The following ATRNL1 variants were observed in gnomAD, a reference collection of about 807,000 sequenced individuals.
ATRNL1 encodes the protein attractin like 1.
A neutral mutation model predicts 182.7 loss-of-function variants in ATRNL1; 95 were observed. That is an observed-to-expected ratio of 0.52 (90% CI 0.44 to 0.62). The LOEUF (loss-of-function observed/expected upper bound fraction) is 0.62, where lower values mean the gene tolerates loss of function less well. Ranked by LOEUF, ATRNL1 falls within the 20% of genes least tolerant of loss-of-function variation. ATRNL1 has a pLI of 0.00. For missense variants in ATRNL1, 1,471 were observed against 1,679.5 expected (o/e 0.88, Z 2.17); for synonymous variants, 576 against 568.3 (o/e 1.01, Z -0.19).
At chr10:115,286,719 A>T (rs1592382321) in intron 15 of ATRNL1, among the ~76,000 whole-genome samples, 1 of 152,076 alleles carries the variant, frequency 6.6e-6, no homozygotes, top group South Asian at 2.1e-4. Flanking sequence ...TTTTTGCTGA[A>T]AACTTTTCAG....
At chr10:115,114,057 A>G (rs1456374377) in intron 1 of ATRNL1, among the ~76,000 whole-genome samples, 1 of 152,172 alleles carries the variant, frequency 6.6e-6, no homozygotes, top group Non-Finnish European at 1.5e-5. Flanking sequence ...AAAACAGACA[A>G]ATTGACCCAT....
At chr10:115,405,228 G>A (rs1460116845) in intron 20 of ATRNL1, among the ~76,000 whole-genome samples, 2 of 152,132 alleles carry the variant, frequency 1.3e-5, no homozygotes, top group Non-Finnish European at 2.9e-5. Context: ...ACTTAACATT[G>A]TATGAAGAAA....
At chr10:115,347,207 G>A (rs1011660007) in intron 19 of ATRNL1, among the ~76,000 whole-genome samples, 17 of 152,104 alleles carry the variant, frequency 1.1e-4, no homozygotes, top group African/African-American at 4.1e-4. Flanking sequence ...TAAATAGAGT[G>A]AATAATAGAT....
At chr10:115,332,824 G>GTT (rs71303571) in intron 18 of ATRNL1, among the ~76,000 whole-genome samples, 17 of 148,062 alleles carry the variant, frequency 1.1e-4, no homozygotes, top group South Asian at 2.1e-4. Context: ...TTTAATATCT[G>GTT]TTTTTTTTTT....
At chr10:115,348,690 G>A (rs1389645) in intron 19 of ATRNL1, among the ~76,000 whole-genome samples, 148,195 of 152,256 alleles carry the variant, frequency 0.97, 72,282 homozygotes, top group East Asian at 1. Context: ...GTTAGGACTT[G>A]AATTTATATA....
intron 26 of ATRNL1, among the ~76,000 whole-genome samples, chr10:115,716,487 G>T (rs1555056367): frequency 1.3e-5 from 2 of 152,116 alleles, no homozygotes; most frequent in Non-Finnish European, 1.5e-5. Flanking sequence ...TACACTAAAT[G>T]AAAAAGCTAA....
chr10:115,556,877 C>T (rs550920573), intron 26 of ATRNL1, among the ~76,000 whole-genome samples: 76 of 150,298 alleles, frequency 5.1e-4, no homozygotes, highest in African/African-American at 1.7e-3. Context: ...TGTGTGTGTG[C>T]GTGTGTGTAT....
At chr10:115,926,799 C>T (rs1237028647) in intron 28 of ATRNL1, among the ~76,000 whole-genome samples, 1 of 151,986 alleles carries the variant, frequency 6.6e-6, no homozygotes, top group Non-Finnish European at 1.5e-5. Flanking sequence ...AGTCTAGGAC[C>T]AGAAGGATTC....
chr10:115,886,966 C>T (rs1046083373), intron 28 of ATRNL1, among the ~76,000 whole-genome samples: 3 of 152,022 alleles, frequency 2.0e-5, no homozygotes, highest in African/African-American at 7.3e-5. Context: ...TTTAGTTTAC[C>T]CTTCATTTTT....
chr10:115,881,527 A>G (rs1951827371), intron 28 of ATRNL1, among the ~76,000 whole-genome samples: 1 of 152,136 alleles, frequency 6.6e-6, no homozygotes, highest in Admixed American at 6.5e-5. Flanking sequence ...TATTGAAGTC[A>G]TCTTTGACTC....
At chr10:115,219,535 A>G (rs781976676) in intron 9 of ATRNL1, among the ~76,000 whole-genome samples, 2 of 152,190 alleles carry the variant, frequency 1.3e-5, no homozygotes, top group Non-Finnish European at 2.9e-5. Context: ...AAAATGACCA[A>G]TTCAGTTTTC....
intron 26 of ATRNL1, among the ~76,000 whole-genome samples, chr10:115,709,165 C>T (rs997220900): frequency 4.6e-5 from 7 of 151,822 alleles, no homozygotes; most frequent in African/African-American, 1.4e-4. Context: ...AATTCATTGA[C>T]TTTATAATAA....
At chr10:115,601,923 C>A (rs1057147430) in intron 26 of ATRNL1, among the ~76,000 whole-genome samples, 57 of 149,756 alleles carry the variant, frequency 3.8e-4, no homozygotes, top group Non-Finnish European at 7.4e-5. Flanking sequence ...TCATTGTTCA[C>A]TTTTTCCTCA....
intron 26 of ATRNL1, among the ~76,000 whole-genome samples, chr10:115,628,598 T>A (rs75131842): frequency 0.054 from 8,151 of 152,238 alleles, 698 homozygotes; most frequent in African/African-American, 0.18. Context: ...CAATTTATAC[T>A]TTTTTTCTTT....
intron 19 of ATRNL1, among the ~76,000 whole-genome samples, chr10:115,371,923 C>T (rs1177661139): frequency 6.6e-6 from 1 of 152,132 alleles, no homozygotes; most frequent in Admixed American, 6.5e-5. Flanking sequence ...ATAGTGGAAT[C>T]ATGGGGACAG....
chr10:115,558,512 G>A (rs73375307), intron 26 of ATRNL1, among the ~76,000 whole-genome samples: 2 of 152,160 alleles, frequency 1.3e-5, no homozygotes, highest in South Asian at 4.1e-4. Flanking sequence ...GTGGCGGAAG[G>A]GGGAGGGCTG....
chr10:115,513,323 A>T (rs1261917311), intron 24 of ATRNL1, among the ~76,000 whole-genome samples: 17 of 151,968 alleles, frequency 1.1e-4, no homozygotes, highest in Non-Finnish European at 2.9e-5. Flanking sequence ...ATATTTTTAG[A>T]TGTTAAAAAG....
chr10:115,140,873 C>T (rs1408804046), intron 5 of ATRNL1, among the ~76,000 whole-genome samples: 2 of 152,092 alleles, frequency 1.3e-5, no homozygotes, highest in African/African-American at 2.4e-5. Flanking sequence ...TTTATTGTAA[C>T]TTACTCCAGT....
chr10:115,926,611 A>G (rs535160815), intron 28 of ATRNL1, among the ~76,000 whole-genome samples: 100 of 152,308 alleles, frequency 6.6e-4, no homozygotes, highest in African/African-American at 2.3e-3. Context: ...ACAAACTACC[A>G]TCAGAGAATA....
Sources: gnomAD v4.1 joint callset for allele counts (sites outside exome capture counted in the v4.1 genomes callset) on GRCh38, gnomAD v4.1.1 for gene constraint, MANE v1.5 for transcripts, NCBI Gene and HGNC (gene_info 2026-07-23, HGNC 2026-07-21) for gene names.